Variants in CAMK1D observed in about 807,000 individuals in gnomAD.
CAMK1D encodes calcium/calmodulin dependent protein kinase ID, also known as calcium/calmodulin-dependent protein kinase type 1D.
A neutral mutation model predicts 47.7 loss-of-function variants in CAMK1D; 9 were observed. That is an observed-to-expected ratio of 0.19 (90% CI 0.11 to 0.33). The LOEUF (loss-of-function observed/expected upper bound fraction) is 0.33, where lower values mean the gene tolerates loss of function less well. Ranked by LOEUF, CAMK1D falls within the 10% of genes least tolerant of loss-of-function variation. The probability of loss-of-function intolerance (pLI) is 1.00; values close to 1 mark genes in which losing one functional copy is unlikely to be tolerated. For missense variants in CAMK1D, 291 were observed against 488.7 expected (o/e 0.60, Z 3.81); for synonymous variants, 184 against 184.9 (o/e 0.99, Z 0.04).
intron 1 of CAMK1D, among the ~76,000 whole-genome samples, chr10:12,551,475 CT>C (rs1195721084): frequency 6.6e-6 from 1 of 152,142 alleles, no homozygotes; most frequent in Non-Finnish European, 1.5e-5. Context: ...AATAAAGTGG[CT>C]GGGCGTGGTG....
chr10:12,694,987 C>T (rs1564499714), intron 3 of CAMK1D, among the ~76,000 whole-genome samples: 1 of 151,802 alleles, frequency 6.6e-6, no homozygotes, highest in African/African-American at 2.4e-5. Flanking sequence ...AATAAATCCT[C>T]GTTGGAGTGG....
At chr10:12,516,468 A>G (rs1835214712) in intron 1 of CAMK1D, among the ~76,000 whole-genome samples, 1 of 150,338 alleles carries the variant, frequency 6.7e-6, no homozygotes. Flanking sequence ...TTCTATGTGA[A>G]CATATGTTTT....
At chr10:12,401,081 ATG>A (rs1181369418) in intron 1 of CAMK1D, among the ~76,000 whole-genome samples, 1 of 90,588 alleles carries the variant, frequency 1.1e-5, no homozygotes, top group African/African-American at 4.6e-5. Flanking sequence ...TATATAATAT[ATG>A]TATTATATAT....
intron 1 of CAMK1D, among the ~76,000 whole-genome samples, chr10:12,503,928 T>C (rs149955600): frequency 7.9e-4 from 121 of 152,272 alleles, no homozygotes; most frequent in Non-Finnish European, 1.4e-3. Flanking sequence ...AGGAGACTTA[T>C]TTCCTCTCTG....
chr10:12,583,065 C>G (rs7910588), intron 2 of CAMK1D, among the ~76,000 whole-genome samples: 5,295 of 152,236 alleles, frequency 0.035, 315 homozygotes, highest in African/African-American at 0.12. Context: ...TGCAAGACTC[C>G]CATCTGTGAA....
intron 1 of CAMK1D, among the ~76,000 whole-genome samples, chr10:12,517,689 T>G (rs1835251613): frequency 6.6e-6 from 1 of 152,244 alleles, no homozygotes; most frequent in South Asian, 2.1e-4. Flanking sequence ...TTTTTGAATG[T>G]TGAACCCGCT....
intron 1 of CAMK1D, among the ~76,000 whole-genome samples, chr10:12,458,712 T>A (rs530363328): frequency 5.9e-5 from 9 of 151,920 alleles, no homozygotes; most frequent in Admixed American, 4.6e-4. Flanking sequence ...GGATTACAGG[T>A]GTGAGTCACT....
intron 6 of CAMK1D, among the ~76,000 whole-genome samples, chr10:12,800,430 C>A (rs1838374857): frequency 6.6e-6 from 1 of 152,218 alleles, no homozygotes; most frequent in South Asian, 2.1e-4. Flanking sequence ...TGCAGACATT[C>A]ATTCAATAAA....
At chr10:12,622,589 A>C (rs1839032948) in intron 2 of CAMK1D, among the ~76,000 whole-genome samples, 2 of 151,772 alleles carry the variant, frequency 1.3e-5, no homozygotes, top group Admixed American at 1.3e-4. Flanking sequence ...GAATAGAGAA[A>C]CATACTTCTA....
chr10:12,448,002 C>T (rs752914786), intron 1 of CAMK1D, among the ~76,000 whole-genome samples: 1 of 151,954 alleles, frequency 6.6e-6, no homozygotes, highest in Non-Finnish European at 1.5e-5. Flanking sequence ...CAGGTGTGTG[C>T]CACTACACCT....
intron 1 of CAMK1D, among the ~76,000 whole-genome samples, chr10:12,410,804 A>G (rs1839630777): frequency 6.6e-6 from 1 of 151,944 alleles, no homozygotes; most frequent in South Asian, 2.1e-4. Flanking sequence ...AGCTTTGTGG[A>G]GCCTCAGTTC....
chr10:12,561,221 TC>T (rs1836933036), intron 2 of CAMK1D, among the ~76,000 whole-genome samples: 1 of 152,080 alleles, frequency 6.6e-6, no homozygotes. Flanking sequence ...AACCATGCAA[TC>T]CCCATAAAAC....
intron 2 of CAMK1D, among the ~76,000 whole-genome samples, chr10:12,554,963 G>T (rs561176552): frequency 6.6e-6 from 1 of 152,152 alleles, no homozygotes; most frequent in Non-Finnish European, 1.5e-5. Context: ...CCAAAGGTTT[G>T]GGGGAACAAG....
chr10:12,828,514 C>G (rs796874888), intron 10 of CAMK1D, among the ~76,000 whole-genome samples: 1 of 151,782 alleles, frequency 6.6e-6, no homozygotes. Flanking sequence ...GGTGGTGAGC[C>G]CCTGTAATCC....
intron 5 of CAMK1D, among the ~76,000 whole-genome samples, chr10:12,788,032 A>C (rs985665474): frequency 3.9e-5 from 6 of 152,206 alleles, no homozygotes. Context: ...CAACACCAAA[A>C]AGAACAAGAG....
In CAMK1D at chr10:12,726,228, G is replaced by T. The variant is rs535020690; in HGVS notation, c.300-34720G>T. Reference sequence around the variant, plus strand: ...ATCACAAGGTCAGGAGATCAAGACTGTCTTAACCAACATGGTGAAACCCTG... The same window carrying T: ...ATCACAAGGTCAGGAGATCAAGACTTTCTTAACCAACATGGTGAAACCCTG... On this transcript the variant is annotated intron_variant, in intron 3 of 10. Coordinates refer to ENST00000619168, the MANE Select transcript of CAMK1D (RefSeq NM_153498.4). Among the ~76,000 whole-genome samples, 6 of 151,928 alleles carry T rather than the reference G, an allele frequency of 3.9e-5. No homozygotes were observed. The South Asian group carries it at 1.3e-3, about 32-fold the overall frequency.
At chr10:12,599,549 A>G (rs1180020118) in intron 2 of CAMK1D, among the ~76,000 whole-genome samples, 2 of 152,196 alleles carry the variant, frequency 1.3e-5, no homozygotes, top group African/African-American at 4.8e-5. Context: ...TTGGCTCAGC[A>G]ATGCATTTGT....
chr10:12,709,308 G>C (rs1445180912), intron 3 of CAMK1D, among the ~76,000 whole-genome samples: 1 of 152,110 alleles, frequency 6.6e-6, no homozygotes, highest in Non-Finnish European at 1.5e-5. Flanking sequence ...GGAGTGCTAA[G>C]GCCGTGGTTG....
At chr10:12,427,051 T>G (rs1392165004) in intron 1 of CAMK1D, among the ~76,000 whole-genome samples, 1 of 151,864 alleles carries the variant, frequency 6.6e-6, no homozygotes, top group Non-Finnish European at 1.5e-5. Context: ...GGTCTCCCTA[T>G]ATTGCCCAGA....
Sources: allele counts gnomAD v4.1 joint callset (sites outside exome capture counted in the v4.1 genomes callset), GRCh38; gene constraint gnomAD v4.1.1; transcripts MANE v1.5; gene names NCBI Gene and HGNC (gene_info 2026-07-23, HGNC 2026-07-21).